The following SPIDR variants were observed in gnomAD, a reference collection of about 807,000 sequenced individuals.
SPIDR encodes the protein DNA repair-scaffolding protein.
Under a neutral mutation model 104.6 loss-of-function variants are expected in SPIDR, and 93 were observed. That is an observed-to-expected ratio of 0.89 (90% CI 0.75 to 1.06). The LOEUF (loss-of-function observed/expected upper bound fraction) is 1.06. Among genes scored for constraint, SPIDR ranks in the 50% least tolerant of loss-of-function variants. The pLI is 0.00. For missense variants in SPIDR, 1,154 were observed against 1,111.2 expected (o/e 1.04, Z -0.55); for synonymous variants, 431 against 416.9 (o/e 1.03, Z -0.41).
At chr8:47,422,022 C>G (rs1389584572) in intron 7 of SPIDR, among the ~76,000 whole-genome samples, 3 of 152,204 alleles carry the variant, frequency 2.0e-5, no homozygotes, top group African/African-American at 7.2e-5. Flanking sequence ...TGCCCCTACT[C>G]AGGGGTGCCT....
chr8:47,726,060 C>T (rs1447893997), intron 16 of SPIDR, among the ~76,000 whole-genome samples: 1 of 152,270 alleles, frequency 6.6e-6, no homozygotes, highest in Non-Finnish European at 1.5e-5. Context: ...CCTTTCTCCA[C>T]TTGCACCTCC....
intron 14 of SPIDR, among the ~76,000 whole-genome samples, chr8:47,702,964 G>A (rs530290948): frequency 4.0e-4 from 61 of 152,346 alleles, no homozygotes; most frequent in African/African-American, 1.1e-3. Flanking sequence ...CAGCAACCTC[G>A]GCCAGGTGCC....
chr8:47,360,244 CAAAA>C (rs1186187617), intron 5 of SPIDR, among the ~76,000 whole-genome samples: 1 of 38,964 alleles, frequency 2.6e-5, no homozygotes, highest in South Asian at 2.0e-3. Flanking sequence ...GACTCCATCT[CAAAA>C]AAAAAAAAAA....
intron 7 of SPIDR, among the ~76,000 whole-genome samples, chr8:47,415,285 G>C (rs2064090244): frequency 6.6e-6 from 1 of 152,136 alleles, no homozygotes. Context: ...GAGATCCCTT[G>C]TACCATGCCC....
At chr8:47,273,003 C>CA (rs1286600600) in intron 1 of SPIDR, among the ~76,000 whole-genome samples, 10 of 152,204 alleles carry the variant, frequency 6.6e-5, no homozygotes, top group Non-Finnish European at 1.0e-4. Context: ...CCTCTTCTCT[C>CA]ATGCTTAACA....
At chr8:47,720,784 GTC>G (rs1450623245) in intron 16 of SPIDR, among the ~76,000 whole-genome samples, 5 of 151,604 alleles carry the variant, frequency 3.3e-5, no homozygotes, top group African/African-American at 1.2e-4. Context: ...TTGAGATGGA[GTC>G]TCTCTCTGTT....
At chr8:47,345,976 C>T (rs1027583331) in intron 5 of SPIDR, among the ~76,000 whole-genome samples, 17 of 152,122 alleles carry the variant, frequency 1.1e-4, no homozygotes, top group African/African-American at 4.1e-4. Context: ...GCCTGATTGC[C>T]GTGGCCAGAA....
At chr8:47,450,332 G>A (rs926789885) in intron 8 of SPIDR, among the ~76,000 whole-genome samples, 1 of 152,046 alleles carries the variant, frequency 6.6e-6, no homozygotes, top group Non-Finnish European at 1.5e-5. Context: ...TTATAACAAG[G>A]CCATTCTTGT....
At chr8:47,444,038 G>A (rs1246213392) in intron 8 of SPIDR, among the ~76,000 whole-genome samples, 1 of 152,082 alleles carries the variant, frequency 6.6e-6, no homozygotes. Context: ...ACAAAAAAAT[G>A]CATTAATCTA....
chr8:47,592,300 C>A (rs1012599334), intron 8 of SPIDR: 4 of 1,113,108 alleles, frequency 3.6e-6, no homozygotes, highest in South Asian at 2.5e-5. Flanking sequence ...GAACTGTGTG[C>A]GGATCTGCAG....
chr8:47,723,399 C>T (rs1303081103), intron 16 of SPIDR, among the ~76,000 whole-genome samples: 1 of 140,494 alleles, frequency 7.1e-6, no homozygotes, highest in African/African-American at 2.6e-5. Context: ...TCCATTTTCT[C>T]TTTTCTTTCA....
At chr8:47,627,364 T>A (rs1378196259) in intron 10 of SPIDR, among the ~76,000 whole-genome samples, 1 of 151,978 alleles carries the variant, frequency 6.6e-6, no homozygotes, top group Non-Finnish European at 1.5e-5. Context: ...GTTGTGCACA[T>A]GTACCCTAAA....
intron 10 of SPIDR, among the ~76,000 whole-genome samples, chr8:47,645,355 CTG>C (rs1189278221): frequency 6.6e-6 from 1 of 151,988 alleles, no homozygotes; most frequent in Non-Finnish European, 1.5e-5. Context: ...TCAAGGATGA[CTG>C]TGAGGTTGTT....
intron 7 of SPIDR, among the ~76,000 whole-genome samples, chr8:47,431,344 A>T (rs2154339525): frequency 6.6e-6 from 1 of 152,312 alleles, no homozygotes; most frequent in East Asian, 1.9e-4. Flanking sequence ...CAACATAGGA[A>T]TTTTGAGGGG....
At chr8:47,603,300 A>G (rs1335886928) in intron 10 of SPIDR, among the ~76,000 whole-genome samples, 1 of 152,206 alleles carries the variant, frequency 6.6e-6, no homozygotes, top group Non-Finnish European at 1.5e-5. Flanking sequence ...CTCCAAGCCC[A>G]TGGTGATTGC....
chr8:47,681,424 A>G (rs2077087122), intron 11 of SPIDR, among the ~76,000 whole-genome samples: 1 of 152,084 alleles, frequency 6.6e-6, no homozygotes, highest in Admixed American at 6.5e-5. Flanking sequence ...AGCTCTACAA[A>G]ACATTTTCTT....
intron 8 of SPIDR, among the ~76,000 whole-genome samples, chr8:47,571,077 C>T (rs561790565): frequency 2.0e-5 from 3 of 150,688 alleles, no homozygotes; most frequent in Admixed American, 6.6e-5. Flanking sequence ...GGCTACGGAG[C>T]GAGACTCTGT....
intron 1 of SPIDR, among the ~76,000 whole-genome samples, chr8:47,271,307 C>T (rs1586116960): frequency 6.6e-6 from 1 of 152,118 alleles, no homozygotes; most frequent in Admixed American, 6.6e-5. Context: ...CTTTTTACCT[C>T]TGTCTCTCCT....
chr8:47,417,143 G>C (rs1293520696), intron 7 of SPIDR, among the ~76,000 whole-genome samples: 3 of 152,204 alleles, frequency 2.0e-5, no homozygotes, highest in African/African-American at 7.2e-5. Flanking sequence ...TATATACCCA[G>C]TAATGGGATG....
Sources: gnomAD v4.1 joint callset for allele counts (sites outside exome capture counted in the v4.1 genomes callset) on GRCh38, gnomAD v4.1.1 for gene constraint, MANE v1.5 for transcripts, NCBI Gene and HGNC (gene_info 2026-07-23, HGNC 2026-07-21) for gene names.